CCDC183: variants seen among roughly 807,000 people sequenced by gnomAD.
CCDC183 encodes coiled-coil domain containing 183.
A neutral mutation model predicts 65.2 loss-of-function variants in CCDC183; 63 were observed. The observed-to-expected ratio is 0.97, with a 90% CI of 0.79 to 1.19. The LOEUF (loss-of-function observed/expected upper bound fraction) is 1.19, where lower values mean the gene tolerates loss of function less well. CCDC183 is among the 50% of genes most tolerant of loss of function. The probability of loss-of-function intolerance (pLI) is 0.00; values close to 1 mark genes in which losing one functional copy is unlikely to be tolerated. For missense variants in CCDC183, 769 were observed against 689.3 expected (o/e 1.12, Z -1.30); for synonymous variants, 323 against 276.5 (o/e 1.17, Z -1.67).
chr9:136,806,423 C>A, intron 10 of CCDC183, 81 bp from the exon 11 acceptor site: 1 of 1,571,508 alleles, frequency 6.4e-7, no homozygotes, highest in Non-Finnish European at 8.7e-7. Context: ...CAGCACCCAA[C>A]TCAGGACTGG....
chr9:136,805,697 C>T (rs77293543), intron 9 of CCDC183: 8,712 of 556,332 alleles, frequency 0.016, 321 homozygotes, highest in African/African-American at 0.093. Context: ...CTAACCACTG[C>T]CCTGACACAA....
Position 136,804,163 on chromosome 9 carries a change from A to T in CCDC183, c.667-339A>T. 1 of 283,400 alleles carries T rather than the reference A, an allele frequency of 3.5e-6. No individual in the cohort carries two copies. Among genetic ancestry groups the T allele is most frequent in the South Asian group, 4.1e-5 (1 of 24,322 alleles). 17.6% of individuals were successfully genotyped at this position (283,400 alleles called of 1,614,324 possible). A position where few individuals can be genotyped will look rare whatever the true frequency, so the allele number is the denominator to read the frequency against. ...TTTTAGCTGCCCAAGGGCACGCTGG[A>T]AGAGGCCAGGTTTTGGGGAAGAGGA... On this transcript the variant is annotated intron_variant, in intron 6 of 13. Coordinates refer to ENST00000338005, the MANE Select transcript of CCDC183 (RefSeq NM_001039374.5). This position sits in a 1 kb window ranked among gnomAD's most constrained non-coding sequence, Gnocchi z 4.1.
chr9:136,805,297 T>C lies in CCDC183; in HGVS notation c.848-60T>C, dbSNP rs575547369. On this transcript the variant is annotated intron_variant, in intron 8 of 13. Coordinates refer to ENST00000338005, the MANE Select transcript of CCDC183 (RefSeq NM_001039374.5). Reference sequence around the variant, plus strand: ...GCAGGTACAGAGGTGTCTGACAGCCTTACACAGAGCCCCTGAGCCATCCCT... The same window carrying C: ...GCAGGTACAGAGGTGTCTGACAGCCCTACACAGAGCCCCTGAGCCATCCCT... 3.7e-5 allele frequency: 53 copies of C among 1,424,926 alleles called. 1 individual carries two copies. In the South Asian group the frequency reaches 6.3e-4, roughly 17 times the overall value. The allele number at this position is 1,424,926 out of a possible 1,614,324, so 88.3% of individuals were successfully genotyped here.
intron 5 of CCDC183, 89 bp downstream of exon 5, chr9:136,800,582 G>T (rs1012256739): frequency 3.2e-6 from 3 of 950,548 alleles, no homozygotes; most frequent in African/African-American, 1.7e-5. Context: ...CCCCGCACCC[G>T]CCAGGGAGAG....
Position 136,807,559 on chromosome 9 carries a change from C to T in CCDC183, c.1487-13C>T, listed in dbSNP as rs1184630889. On this transcript the variant is annotated splice_polypyrimidine_tract_variant and intron_variant, in intron 13 of 13. Coordinates refer to ENST00000338005, the MANE Select transcript of CCDC183 (RefSeq NM_001039374.5). ...GGCTAGCCCCGTGTGCGAGCCGCCG[C>T]CTCCGCCCGCAGACACCTTCCAGTT... The T allele has an allele frequency of 6.3e-7, 1 of 1,590,916 alleles. No individual in the cohort carries two copies. The highest frequency in any genetic ancestry group is 2.3e-5 in the East Asian group (1 of 43,338).
chr9:136,798,992 C>A, intron 1 of CCDC183, 110 bp from the exon 2 acceptor site: 1 of 1,468,996 alleles, frequency 6.8e-7, no homozygotes, highest in Non-Finnish European at 9.2e-7. Flanking sequence ...AGGGGGCATC[C>A]CCCTGGACCC....
intron 5 of CCDC183, among the ~76,000 whole-genome samples, chr9:136,801,190 C>T (rs753854709): frequency 5.9e-5 from 9 of 152,006 alleles, no homozygotes; most frequent in Non-Finnish European, 1.2e-4. Context: ...CATCGCAGCT[C>T]TTTTCCTGCT....
intron 1 of CCDC183, among the ~76,000 whole-genome samples, chr9:136,797,294 G>T (rs1390876395): frequency 1.3e-5 from 2 of 152,052 alleles, no homozygotes; most frequent in Non-Finnish European, 2.9e-5. Flanking sequence ...ACCACCTGTT[G>T]CCCTGCTACA....
intron 5 of CCDC183, 70 bp from the exon 6 acceptor site, chr9:136,802,590 TAGTC>T: frequency 1.3e-6 from 2 of 1,535,088 alleles, no homozygotes; most frequent in South Asian, 1.3e-5. Context: ...TCAGGGCTCT[TAGTC>T]GGGGGATAAA....
chr9:136,802,537 G>A (rs1483099121), intron 5 of CCDC183, 127 bp from the exon 6 acceptor site: 25 of 1,324,308 alleles, frequency 1.9e-5, no homozygotes, highest in African/African-American at 4.5e-5. Flanking sequence ...AGCGGGGAGT[G>A]GGGGAGGTGG....
At chr9:136,803,466 G>C (rs1396454916) in intron 6 of CCDC183, among the ~76,000 whole-genome samples, 3 of 152,106 alleles carry the variant, frequency 2.0e-5, no homozygotes, top group Admixed American at 6.5e-5. Flanking sequence ...GAGAGGGAGA[G>C]AACTGGCCGG....
intron 10 of CCDC183, 29 bp from the exon 11 acceptor site, chr9:136,806,475 C>T (rs773459956): frequency 5.0e-6 from 8 of 1,612,804 alleles, no homozygotes; most frequent in East Asian, 2.2e-5. Context: ...CTGTGCCCCT[C>T]ACTGCTGTGT....
rs1157433202 is a variant in CCDC183, at chr9:136,804,647, C to A, written c.792+20C>A. 6.2e-7 allele frequency: 1 copy of A among 1,613,450 alleles called. No individual in the cohort carries two copies. The highest frequency in any genetic ancestry group is 1.1e-5 in the South Asian group (1 of 91,068). On this transcript the variant is annotated intron_variant, in intron 7 of 13. Coordinates refer to ENST00000338005, the MANE Select transcript of CCDC183 (RefSeq NM_001039374.5). The surrounding 1 kb of genome is among the most constrained non-coding windows in gnomAD (Gnocchi z 4.1). ...CGCCGGGTAAGCCCCAGGCCAGGGC[C>A]TGGCTGGCTGCCCATCCCCATGACA... is the stretch of plus-strand genomic sequence containing the variant.
chr9:136,805,464 C>A lies in CCDC183; in HGVS notation c.948+7C>A. On this transcript the variant is annotated splice_region_variant and intron_variant, in intron 9 of 13. Transcript: ENST00000338005. ...ACGGTGCTCTCACGTCTGGGTAATG[C>A]CCCTGGCGCTCCCAGAGAATGGCAG... 1 of 1,611,970 alleles carries A rather than the reference C, an allele frequency of 6.2e-7. No homozygotes were observed. Among genetic ancestry groups the A allele is most frequent in the Non-Finnish European group, 8.5e-7 (1 of 1,178,486 alleles).
intron 8 of CCDC183, chr9:136,805,082 T>TGAG: frequency 1.7e-6 from 1 of 592,068 alleles, no homozygotes; most frequent in Non-Finnish European, 3.0e-6. Context: ...TCCTGACCCC[T>TGAG]AAGCTGCCTC....
chr9:136,800,611 C>T, intron 5 of CCDC183, 118 bp downstream of exon 5: 1 of 704,446 alleles, frequency 1.4e-6, no homozygotes, highest in Non-Finnish European at 2.4e-6. Flanking sequence ...GCCTGACCAC[C>T]GGCTACGCAG....
Position 136,799,238 on chromosome 9 carries a change from C to T in CCDC183, c.192+15C>T. ...TGGCCAAGAAGGTACACAAACGCCG[C>T]CCCTCCCCTCTGCCTGGCGAGCAGG... is the stretch of plus-strand genomic sequence containing the variant. On this transcript the variant is annotated intron_variant, in intron 2 of 13. Coordinates refer to ENST00000338005, the MANE Select transcript of CCDC183 (RefSeq NM_001039374.5). 1 of 1,584,118 alleles carries T rather than the reference C, an allele frequency of 6.3e-7. No homozygotes were observed. Among genetic ancestry groups the T allele is most frequent in the South Asian group, 1.2e-5 (1 of 86,322 alleles).
chr9:136,803,775 G>T (rs1198116697), intron 6 of CCDC183, among the ~76,000 whole-genome samples: 1 of 152,112 alleles, frequency 6.6e-6, no homozygotes, highest in Non-Finnish European at 1.5e-5. Flanking sequence ...CCTGGGCTGG[G>T]AGGGGTGTGA....
At chr9:136,805,933 G>A (rs1272368645) in intron 9 of CCDC183, 145 bp from the exon 10 acceptor site, 3 of 674,306 alleles carry the variant, frequency 4.4e-6, no homozygotes, top group Non-Finnish European at 7.4e-6. Flanking sequence ...GGTTGAGGCT[G>A]CAGTGAGCTG....
Sources: allele counts gnomAD v4.1 joint callset (sites outside exome capture counted in the v4.1 genomes callset), GRCh38; gene constraint gnomAD v4.1.1; non-coding constraint Gnocchi (gnomAD v3.1); transcripts MANE v1.5; gene names NCBI Gene and HGNC (gene_info 2026-07-23, HGNC 2026-07-21).